The following EXT1 variants were observed in gnomAD, a reference collection of about 807,000 sequenced individuals.
The protein encoded by EXT1 is exostosin-1.
Under a neutral mutation model 82.5 loss-of-function variants are expected in EXT1, and 20 were observed. The ratio of observed to expected loss-of-function variants is 0.24; its 90% CI spans 0.17 to 0.35. EXT1 has a LOEUF of 0.35. Among genes scored for constraint, EXT1 ranks in the 10% least tolerant of loss-of-function variants. The pLI is 1.00. For synonymous variants in EXT1, 348 were observed against 350.8 expected, an observed-to-expected ratio of 0.99 and a Z score of 0.09; for missense variants, 757 against 936.5, an observed-to-expected ratio of 0.81 and a Z score of 2.50.
chr8:117,970,572 T>C (rs1814918597), intron 1 of EXT1, among the ~76,000 whole-genome samples: 1 of 152,206 alleles, frequency 6.6e-6, no homozygotes, highest in African/African-American at 2.4e-5. Context: ...CCCAAAATGC[T>C]GGGATTACAG....
intron 1 of EXT1, among the ~76,000 whole-genome samples, chr8:118,034,266 C>G (rs1207758821): frequency 6.6e-6 from 1 of 152,138 alleles, no homozygotes; most frequent in African/African-American, 2.4e-5. Flanking sequence ...GTGGGTGATT[C>G]TGAGGCAATC....
At chr8:118,037,379 C>CTTT (rs5894410) in intron 1 of EXT1, among the ~76,000 whole-genome samples, 5 of 138,974 alleles carry the variant, frequency 3.6e-5, no homozygotes, top group African/African-American at 1.3e-4. Context: ...AAAAAGATTC[C>CTTT]TTTTTTTTTT....
chr8:117,801,386 C>A (rs1823164749), intron 10 of EXT1, among the ~76,000 whole-genome samples: 1 of 152,178 alleles, frequency 6.6e-6, no homozygotes, highest in Non-Finnish European at 1.5e-5. Context: ...ATGAGGGGAA[C>A]TCTACTTGAT....
intron 7 of EXT1, 29 bp downstream of exon 7, chr8:117,818,406 T>A: frequency 6.3e-7 from 1 of 1,598,040 alleles, no homozygotes; most frequent in Non-Finnish European, 8.6e-7. Flanking sequence ...CCACAGTGGT[T>A]CCACATATAG....
At chr8:117,843,819 G>T (rs994925772) in intron 1 of EXT1, among the ~76,000 whole-genome samples, 2 of 152,150 alleles carry the variant, frequency 1.3e-5, no homozygotes, top group African/African-American at 4.8e-5. Flanking sequence ...ACCAGCCTGT[G>T]TTCCAACTCC....
At chr8:117,957,729 C>G (rs768711697) in intron 1 of EXT1, among the ~76,000 whole-genome samples, 8 of 152,176 alleles carry the variant, frequency 5.3e-5, no homozygotes, top group Non-Finnish European at 1.0e-4. Flanking sequence ...ACGTTTTGTA[C>G]TTTAAGAAAA....
intron 1 of EXT1, among the ~76,000 whole-genome samples, chr8:118,011,655 C>A (rs1358922260): frequency 6.6e-6 from 1 of 152,150 alleles, no homozygotes; most frequent in African/African-American, 2.4e-5. Flanking sequence ...GGAAAGTGAT[C>A]ATTTCTGGTT....
Position 117,973,886 on chromosome 8 carries a change from G to GAAAGGA in EXT1, c.962+136198_962+136199insTCCTTT, listed in dbSNP as rs747386364. Among the ~76,000 whole-genome samples, 17 of 67,358 alleles carry GAAAGGA rather than the reference G, an allele frequency of 2.5e-4. 2 individuals are homozygous for GAAAGGA. The highest frequency in any genetic ancestry group is 9.6e-4 in the African/African-American group (16 of 16,692). 44.2% of individuals were successfully genotyped at this position (67,358 alleles called of 152,430 possible). On this transcript the variant is annotated intron_variant, in intron 1 of 10. Transcript: ENST00000378204. ...GAAAGGAAAGGAAAGGAAAGGAAAG[G>GAAAGGA]AAGGAAAGGAAAGAAAAGGAAAGGA... is the stretch of plus-strand genomic sequence containing the variant.
intron 1 of EXT1, among the ~76,000 whole-genome samples, chr8:117,873,605 G>A (rs1251358419): frequency 6.6e-6 from 1 of 151,982 alleles, no homozygotes; most frequent in Non-Finnish European, 1.5e-5. Flanking sequence ...ACAGGTGCAT[G>A]CCACCACGCC....
Position 118,110,283 on chromosome 8 carries a change from G to T in EXT1, c.764C>A (p.Thr255Asn), listed in dbSNP as rs1348650954. ...GGERGFLKFN[T>N]IPPLRKYMLV... is the part of the protein sequence containing the mutation. ...CATGTACTTCCTGAGAGGAGGGATG[G>T]TGTTGAACTTCAAAAACCCCCTCTC... The change falls in exon 1 of 11, where the codon ACC becomes AAC. Residue 255 changes from threonine (T) to asparagine (N), a missense_variant. Around this residue, in one of 4 missense-constraint regions of EXT1, gnomAD observed 247 missense variants for 330.1 expected, o/e 0.75. Transcript: ENST00000378204. 10 of 1,614,018 alleles carry T rather than the reference G, an allele frequency of 6.2e-6. No individual in the cohort carries two copies. Among genetic ancestry groups the T allele is most frequent in the Non-Finnish European group, 8.5e-6 (10 of 1,180,038 alleles).
chr8:117,927,748 C>T (rs1237800222), intron 1 of EXT1, among the ~76,000 whole-genome samples: 3 of 152,192 alleles, frequency 2.0e-5, no homozygotes, highest in Non-Finnish European at 2.9e-5. Flanking sequence ...GTGACCCATA[C>T]GGTGACACTA....
At position 118,111,442 on chromosome 8, in the gene EXT1, C is replaced by G. The variant is rs946389371; in HGVS notation, c.-396G>C. The G allele has an allele frequency of 5.7e-6, 3 of 524,974 alleles. No individual in the cohort carries two copies. The African/African-American group carries it at 5.7e-5, about 10-fold the overall frequency. 32.5% of individuals were successfully genotyped at this position (524,974 alleles called of 1,614,324 possible). A position where few individuals can be genotyped will look rare whatever the true frequency, so the allele number is the denominator to read the frequency against. ...AGTGATTGCCTTGCCTCTCGGATTC[C>G]TCTCGGCAGCGTGGAAAATGAGCCC... is the stretch of plus-strand genomic sequence containing the variant. On this transcript the variant is annotated 5_prime_UTR_variant, in exon 1 of 11. Coordinates refer to ENST00000378204, the MANE Select transcript of EXT1 (RefSeq NM_000127.3).
At chr8:117,930,686 C>A (rs1317714632) in intron 1 of EXT1, among the ~76,000 whole-genome samples, 2 of 152,184 alleles carry the variant, frequency 1.3e-5, no homozygotes, top group African/African-American at 4.8e-5. Context: ...GGTGTTTGAA[C>A]CACAGTGACT....
chr8:117,845,650 G>C (rs1460204855), intron 1 of EXT1, among the ~76,000 whole-genome samples: 16 of 151,974 alleles, frequency 1.1e-4, no homozygotes, highest in Admixed American at 6.6e-5. Flanking sequence ...GTCTTGCTAT[G>C]TTGCCCAGGC....
chr8:117,869,644 C>T (rs2129887793), intron 1 of EXT1, among the ~76,000 whole-genome samples: 1 of 151,818 alleles, frequency 6.6e-6, no homozygotes, highest in East Asian at 1.9e-4. Flanking sequence ...ATACTATCTA[C>T]ATCTTAATGT....
intron 1 of EXT1, among the ~76,000 whole-genome samples, chr8:118,051,277 G>A (rs1816713040): frequency 6.6e-6 from 1 of 152,146 alleles, no homozygotes; most frequent in African/African-American, 2.4e-5. Context: ...GGTCGAGGCT[G>A]CAGTGAGCCA....
chr8:118,105,567 G>A (rs1817791843), intron 1 of EXT1, among the ~76,000 whole-genome samples: 1 of 152,032 alleles, frequency 6.6e-6, no homozygotes, highest in African/African-American at 2.4e-5. Flanking sequence ...AGAAAGAGGC[G>A]AGAAAGGAAG....
rs1305745339 is a variant in EXT1, at chr8:117,797,342, T to C, written c.*2370A>G. ...TAAAGTGGATGAAAGGTGTGTTATA[T>C]CCTGTTCTTATTTATAATTACCATT... is the stretch of plus-strand genomic sequence containing the variant. On this transcript the variant is annotated 3_prime_UTR_variant, in exon 11 of 11. Coordinates refer to ENST00000378204, the MANE Select transcript of EXT1 (RefSeq NM_000127.3). The C allele has an allele frequency of 6.6e-6, 1 of 152,238 alleles. No homozygotes were observed. The highest frequency in any genetic ancestry group is 2.4e-5 in the African/African-American group (1 of 41,452). 9.4% of individuals were successfully genotyped at this position (152,238 alleles called of 1,614,324 possible). A position where few individuals can be genotyped will look rare whatever the true frequency, so the allele number is the denominator to read the frequency against.
intron 1 of EXT1, among the ~76,000 whole-genome samples, chr8:118,020,397 G>A (rs144070240): frequency 6.6e-6 from 1 of 152,102 alleles, no homozygotes; most frequent in African/African-American, 2.4e-5. Flanking sequence ...ACTACATTAC[G>A]ATCTTGTCCT....
Sources: gnomAD v4.1 joint callset for allele counts (sites outside exome capture counted in the v4.1 genomes callset) on GRCh38, gnomAD v4.1.1 for gene constraint, gnomAD v4.1.1 regional missense constraint, MANE v1.5 for transcripts, NCBI Gene and HGNC (gene_info 2026-07-23, HGNC 2026-07-21) for gene names.